ERGIC1: variants seen among roughly 807,000 people sequenced by gnomAD.
The protein encoded by ERGIC1 is endoplasmic reticulum-Golgi intermediate compartment protein 1.
A neutral mutation model predicts 38.3 loss-of-function variants in ERGIC1; 19 were observed. The observed-to-expected ratio is 0.50, with a 90% CI of 0.35 to 0.73. The LOEUF is 0.73. ERGIC1 is among the 30% of genes least tolerant of loss of function. ERGIC1 has a pLI of 0.01. For synonymous variants in ERGIC1, 124 were observed against 157.6 expected (o/e 0.79, Z 1.60); for missense variants, 294 against 389.2 (o/e 0.76, Z 2.06).
intron 1 of ERGIC1, among the ~76,000 whole-genome samples, chr5:172,838,863 A>G (rs1312307176): frequency 6.6e-6 from 1 of 152,244 alleles, no homozygotes; most frequent in African/African-American, 2.4e-5. Context: ...AGTAGCTAAC[A>G]TGAATGCCTG....
At chr5:172,949,959 G>A (rs897417639) in intron 9 of ERGIC1, among the ~76,000 whole-genome samples, 2 of 152,194 alleles carry the variant, frequency 1.3e-5, no homozygotes, top group East Asian at 3.8e-4. Flanking sequence ...TGTAGTCCCA[G>A]CTACTCGGGA....
intron 7 of ERGIC1, among the ~76,000 whole-genome samples, chr5:172,930,254 C>T (rs770665666): frequency 6.6e-6 from 1 of 150,974 alleles, no homozygotes; most frequent in African/African-American, 2.4e-5. Context: ...ATAAACATGT[C>T]TGGCAGTTTA....
At chr5:172,924,186 C>A in intron 6 of ERGIC1, 77 bp downstream of exon 6, 1 of 1,324,986 alleles carries the variant, frequency 7.5e-7, no homozygotes, top group East Asian at 2.4e-5. Flanking sequence ...CCTCTGCCCT[C>A]TCTGGGCACT....
At chr5:172,867,813 G>A (rs1452701616) in intron 1 of ERGIC1, among the ~76,000 whole-genome samples, 2 of 152,228 alleles carry the variant, frequency 1.3e-5, no homozygotes, top group African/African-American at 4.8e-5. Context: ...TTCACAGTGA[G>A]CAGTTGACCT....
chr5:172,894,670 C>T (rs1176472439), intron 2 of ERGIC1, among the ~76,000 whole-genome samples: 1 of 152,150 alleles, frequency 6.6e-6, no homozygotes, highest in African/African-American at 2.4e-5. Flanking sequence ...CCAGTCCTGC[C>T]TCTCCTGCCA....
At chr5:172,867,276 A>C (rs1472737558) in intron 1 of ERGIC1, 2 of 432,212 alleles carry the variant, frequency 4.6e-6, no homozygotes. Flanking sequence ...CCCTTTGGGT[A>C]CAGGCGGGGG....
chr5:172,865,506 C>T (rs1391558710), intron 1 of ERGIC1, among the ~76,000 whole-genome samples: 23 of 152,180 alleles, frequency 1.5e-4, no homozygotes, highest in Non-Finnish European at 2.9e-5. Context: ...GTGTTCTTAT[C>T]TTAAGTATAC....
At position 172,920,484 on chromosome 5, in the gene ERGIC1, G is replaced by A. The variant is rs1763483490; in HGVS notation, c.376-3521G>A. On this transcript the variant is annotated intron_variant, in intron 5 of 9. Coordinates refer to ENST00000393784, the MANE Select transcript of ERGIC1 (RefSeq NM_001031711.3). ...GCCCCGCAGGAGGAGGACAGGATGG[G>A]GTGAGGGGTATGGGGCCTGGCTCCA... 4 of 717,162 alleles carry A rather than the reference G, an allele frequency of 5.6e-6. No homozygotes were observed. The Admixed American group carries it at 8.0e-5, about 14-fold the overall frequency. The allele number at this position is 717,162 out of a possible 1,614,324, so 44.4% of individuals were successfully genotyped here. A position where few individuals can be genotyped will look rare whatever the true frequency, so the allele number is the denominator to read the frequency against.
chr5:172,909,895 ATAAT>A, intron 4 of ERGIC1, 134 bp downstream of exon 4: 1 of 764,838 alleles, frequency 1.3e-6, no homozygotes, highest in African/African-American at 1.7e-5. Context: ...GGAGGAGAAT[ATAAT>A]TGCGTATGCA....
chr5:172,839,976 C>T (rs371470271), intron 1 of ERGIC1, among the ~76,000 whole-genome samples: 1 of 152,224 alleles, frequency 6.6e-6, no homozygotes, highest in Admixed American at 6.5e-5. Flanking sequence ...GAGAACTCTT[C>T]TAATTGGATT....
intron 5 of ERGIC1, among the ~76,000 whole-genome samples, chr5:172,919,330 G>A (rs549208144): frequency 2.8e-4 from 43 of 152,290 alleles, no homozygotes; most frequent in Non-Finnish European, 5.4e-4. Context: ...CCCCGCCCCC[G>A]GGGAGATGCA....
intron 1 of ERGIC1, among the ~76,000 whole-genome samples, chr5:172,835,990 A>G (rs6883560): frequency 0.46 from 69,385 of 152,072 alleles, 17,678 homozygotes; most frequent in Non-Finnish European, 0.58. Context: ...AACCATAGGG[A>G]TTCGTGCCAC....
At chr5:172,897,795 A>G (rs1762759363) in intron 3 of ERGIC1, 1 of 413,844 alleles carries the variant, frequency 2.4e-6, no homozygotes, top group African/African-American at 2.1e-5. Context: ...TGCTGACATC[A>G]GCGCCCGGCC....
chr5:172,859,228 C>T (rs1237904207), intron 1 of ERGIC1, among the ~76,000 whole-genome samples: 3 of 152,036 alleles, frequency 2.0e-5, no homozygotes, highest in African/African-American at 4.8e-5. Flanking sequence ...CTGCTCTTGG[C>T]CGTGCTGGTT....
chr5:172,932,273 C>T (rs1022659161), intron 7 of ERGIC1, among the ~76,000 whole-genome samples, 163 bp from the exon 8 acceptor site: 20 of 152,156 alleles, frequency 1.3e-4, no homozygotes, highest in Non-Finnish European at 2.6e-4. Context: ...TCCCAATTCC[C>T]GGTATCCAAG....
intron 9 of ERGIC1, among the ~76,000 whole-genome samples, chr5:172,948,865 A>AGGCAACAGCC (rs1189306672): frequency 6.6e-6 from 1 of 152,152 alleles, no homozygotes; most frequent in African/African-American, 2.4e-5. Flanking sequence ...CCTGGGCAAC[A>AGGCAACAGCC]TAGCGAGACC....
chr5:172,853,428 A>G (rs1430186265), intron 1 of ERGIC1, among the ~76,000 whole-genome samples: 1 of 152,208 alleles, frequency 6.6e-6, no homozygotes, highest in Non-Finnish European at 1.5e-5. Flanking sequence ...GCCTTCTGCC[A>G]GGTACCTCTC....
intron 7 of ERGIC1, among the ~76,000 whole-genome samples, chr5:172,931,467 C>T (rs1763773287): frequency 6.6e-6 from 1 of 152,222 alleles, no homozygotes; most frequent in Admixed American, 6.5e-5. Context: ...AAGGCTCCAT[C>T]CCTGCCTTCA....
At chr5:172,886,278 G>A (rs901348032) in intron 1 of ERGIC1, among the ~76,000 whole-genome samples, 4 of 151,216 alleles carry the variant, frequency 2.6e-5, no homozygotes, top group Admixed American at 6.6e-5. Context: ...TCCCAGATTC[G>A]GTCCTACTCT....
Sources: gnomAD v4.1 joint callset for allele counts (sites outside exome capture counted in the v4.1 genomes callset) on GRCh38, gnomAD v4.1.1 for gene constraint, MANE v1.5 for transcripts, NCBI Gene and HGNC (gene_info 2026-07-23, HGNC 2026-07-21) for gene names.